The following SRGAP2 variants were observed in gnomAD, a reference collection of about 807,000 sequenced individuals.
SRGAP2 encodes SLIT-ROBO Rho GTPase activating protein 2.
In SRGAP2, 15 loss-of-function variants were observed where a neutral mutation model predicts 57.2. That is an observed-to-expected ratio of 0.26 (90% CI 0.18 to 0.40). The LOEUF (loss-of-function observed/expected upper bound fraction) is 0.40. Among genes scored for constraint, SRGAP2 ranks in the 10% least tolerant of loss-of-function variants. The pLI, the probability that SRGAP2 is intolerant of heterozygous loss-of-function variation, is 1.00. For missense variants in SRGAP2, 520 were observed against 669.6 expected, an observed-to-expected ratio of 0.78 and a Z score of 2.47; for synonymous variants, 249 against 248.0, an observed-to-expected ratio of 1.00 and a Z score of -0.04.
At chr1:206,313,730 A>G (rs1553325045) in intron 3 of SRGAP2, among the ~76,000 whole-genome samples, 1 of 152,158 alleles carries the variant, frequency 6.6e-6, no homozygotes, top group African/African-American at 2.4e-5. Context: ...AGTTTGCTAA[A>G]TGACAAGAAA....
rs1477330577 is a variant in SRGAP2 at position 206,303,462 on chromosome 1, C to G, written c.249C>G (p.Asp83Glu). The change falls in exon 3 of 23, where the codon GAC becomes GAG. Residue 83 changes from aspartate to glutamate, a missense_variant. Coordinates refer to ENST00000573034, the MANE Select transcript of SRGAP2 (RefSeq NM_015326.5). ...TGGCCAAGACACGCAGCACCAAGGACCAGCAATTCAAGTAGGGGCTCTGTG... is the reference window on the plus strand; with the variant it reads ...TGGCCAAGACACGCAGCACCAAGGAGCAGCAATTCAAGTAGGGGCTCTGTG... The part of the protein sequence containing the change: ...RFLAKTRSTK[D>E]QQFKKDQNVL... 3 of 1,529,186 alleles carry G rather than the reference C, an allele frequency of 2.0e-6. No individual in the cohort carries two copies. The highest frequency in any genetic ancestry group is 2.8e-5 in the African/African-American group (2 of 71,850). 94.7% of individuals were successfully genotyped at this position (1,529,186 alleles called of 1,614,324 possible).
Position 206,454,034 on chromosome 1 carries a change from C to T in SRGAP2, c.2360+654C>T, listed in dbSNP as rs1663593266. ...CTTTGAAGCAGTTGTCCCGTGGGCC[C>T]ACCCAAGCCTGCCCCCTGTCCGTTT... On this transcript the variant is annotated intron_variant, in intron 20 of 22. Transcript: ENST00000573034. This position sits in a 1 kb window ranked among gnomAD's most constrained non-coding sequence, Gnocchi z 4.3. The T allele has an allele frequency of 5.8e-6, 4 of 685,280 alleles. No individual in the cohort carries two copies. The highest frequency in any genetic ancestry group is 5.3e-6 in the Non-Finnish European group (2 of 375,824). 42.4% of individuals were successfully genotyped at this position (685,280 alleles called of 1,614,324 possible). A position where few individuals can be genotyped will look rare whatever the true frequency, so the allele number is the denominator to read the frequency against.
rs1664114480 is a variant in SRGAP2 at position 206,459,773 on chromosome 1, G to C, written c.2832+826G>C. ...CAGGGGGTGATAGAGGCTGGGCATG[G>C]TCTCTCTTGGCTTAATTGTGGTTCT... On this transcript the variant is annotated intron_variant, in intron 22 of 22. Transcript: ENST00000573034. Among the ~76,000 whole-genome samples, 3 of 152,288 alleles carry C rather than the reference G, an allele frequency of 2.0e-5. No individual in the cohort carries two copies. The South Asian group carries it at 6.2e-4, about 32-fold the overall frequency.
chr1:206,305,534 GT>G (rs1672136267), intron 3 of SRGAP2, among the ~76,000 whole-genome samples: 1 of 152,218 alleles, frequency 6.6e-6, no homozygotes, highest in Admixed American at 6.5e-5. Flanking sequence ...CATTTTATTT[GT>G]TCTTCTCTTA....
chr1:206,443,932 G>C (rs1373990495), intron 17 of SRGAP2, among the ~76,000 whole-genome samples: 2 of 152,130 alleles, frequency 1.3e-5, no homozygotes, highest in African/African-American at 4.8e-5. Flanking sequence ...GCTCACACCT[G>C]TAATCCCAGC....
rs1664309391 is a variant in SRGAP2 at position 206,462,075 on chromosome 1, C to T, written c.*655C>T. 1 of 152,178 alleles carries T rather than the reference C, an allele frequency of 6.6e-6. No individual in the cohort carries two copies. The highest frequency in any genetic ancestry group is 2.4e-5 in the African/African-American group (1 of 41,404). The allele number at this position is 152,178 out of a possible 1,614,324, so 9.4% of individuals were successfully genotyped here. A position where few individuals can be genotyped will look rare whatever the true frequency, so the allele number is the denominator to read the frequency against. On this transcript the variant is annotated 3_prime_UTR_variant, in exon 23 of 23. Transcript: ENST00000573034. ...TTCTGTCTGGGCCAGAGAACCTAGC[C>T]TTTGAAATCTCTCCATCATATGAAA... is the stretch of plus-strand genomic sequence containing the variant.
chr1:206,323,512 A>G (rs1364385014), intron 3 of SRGAP2, among the ~76,000 whole-genome samples: 2 of 150,722 alleles, frequency 1.3e-5, no homozygotes, highest in African/African-American at 4.9e-5. Flanking sequence ...GCCTGCTCCT[A>G]GGTTCTCCTT....
chr1:206,272,860 C>T lies in SRGAP2; in HGVS notation c.68-30421C>T, dbSNP rs1219419977. On this transcript the variant is annotated intron_variant, in intron 2 of 22. Transcript: ENST00000573034. ...CTCCCATCCCCTGCCCTCCCCAAGG[C>T]GTGTTGTAGGTACCCCCAGACCATT... Among the ~76,000 whole-genome samples, 83 of 152,294 alleles carry T rather than the reference C, an allele frequency of 5.4e-4. No individual in the cohort carries two copies. The East Asian group carries it at 0.014, about 26-fold the overall frequency.
chr1:206,458,015 G>C (rs1477077640), intron 21 of SRGAP2, among the ~76,000 whole-genome samples: 2 of 152,224 alleles, frequency 1.3e-5, no homozygotes, highest in Non-Finnish European at 2.9e-5. Flanking sequence ...CCAGTGCTGG[G>C]TGACTTGGGA....
In SRGAP2 at chr1:206,450,485, G is replaced by C; in HGVS notation, c.2179+20G>C. On this transcript the variant is annotated intron_variant, in intron 19 of 22. Transcript: ENST00000573034. ...ATGACGGTACGAGGCCCTGCTTCCT[G>C]GTCAGTGGGGACGCCAGGGGTGAGG... 1 of 780,484 alleles carries C rather than the reference G, an allele frequency of 1.3e-6. No homozygotes were observed. 48.3% of individuals were successfully genotyped at this position (780,484 alleles called of 1,614,324 possible). A position where few individuals can be genotyped will look rare whatever the true frequency, so the allele number is the denominator to read the frequency against.
chr1:206,420,996 C>A (rs1024967194), intron 12 of SRGAP2, among the ~76,000 whole-genome samples: 2 of 152,014 alleles, frequency 1.3e-5, no homozygotes, highest in African/African-American at 4.8e-5. Context: ...AAAGCAGGGA[C>A]GTCTGTGCTT....
At chr1:206,456,367 T>G (rs889937942) in intron 21 of SRGAP2, among the ~76,000 whole-genome samples, 1 of 152,132 alleles carries the variant, frequency 6.6e-6, no homozygotes, top group Non-Finnish European at 1.5e-5. Context: ...ACTGCCCTGC[T>G]GGGAGGGCAA....
intron 5 of SRGAP2, among the ~76,000 whole-genome samples, chr1:206,386,083 G>A (rs1190796614): frequency 6.6e-6 from 1 of 152,204 alleles, no homozygotes; most frequent in African/African-American, 2.4e-5. Flanking sequence ...AGGACATTTG[G>A]CAATGCCTGA....
chr1:206,370,097 C>T (rs1654386340), intron 4 of SRGAP2, among the ~76,000 whole-genome samples: 2 of 150,646 alleles, frequency 1.3e-5, no homozygotes, highest in South Asian at 4.2e-4. Context: ...AACCCTGCCT[C>T]TACTAAAAAT....
chr1:206,372,965 CT>C (rs1553342940), intron 4 of SRGAP2, among the ~76,000 whole-genome samples: 306 of 8,314 alleles, frequency 0.037, 46 homozygotes, highest in African/African-American at 0.079. Context: ...CTTTTCTTTC[CT>C]TTCTTTCTTT....
At chr1:206,415,671 A>T (rs1659638928) in intron 10 of SRGAP2, among the ~76,000 whole-genome samples, 1 of 152,230 alleles carries the variant, frequency 6.6e-6, no homozygotes, top group African/African-American at 2.4e-5. Flanking sequence ...GCCATCATAG[A>T]ACTCCCAGAA....
chr1:206,442,749 C>G (rs1334480965), intron 17 of SRGAP2, among the ~76,000 whole-genome samples: 3 of 152,064 alleles, frequency 2.0e-5, no homozygotes, highest in Non-Finnish European at 2.9e-5. Flanking sequence ...AAATAGAATG[C>G]AAGACACAAA....
intron 14 of SRGAP2, among the ~76,000 whole-genome samples, chr1:206,431,075 A>G (rs1661242902): frequency 6.6e-6 from 1 of 152,146 alleles, no homozygotes; most frequent in Admixed American, 6.5e-5. Context: ...AGAGGCAGCT[A>G]TTCTCTCTCC....
chr1:206,421,621 G>C (rs1320719327), intron 13 of SRGAP2, among the ~76,000 whole-genome samples: 1 of 152,188 alleles, frequency 6.6e-6, no homozygotes, highest in Non-Finnish European at 1.5e-5. Flanking sequence ...TAACATATCA[G>C]TAACTCACAG....
Sources: allele counts gnomAD v4.1 joint callset (sites outside exome capture counted in the v4.1 genomes callset), GRCh38; gene constraint gnomAD v4.1.1; non-coding constraint Gnocchi (gnomAD v3.1); transcripts MANE v1.5; gene names NCBI Gene and HGNC (gene_info 2026-07-23, HGNC 2026-07-21).